The following DNA2 variants were observed in gnomAD, a reference collection of about 807,000 sequenced individuals.
The protein encoded by DNA2 is DNA replication helicase/nuclease 2.
DNA2 carries 101 observed loss-of-function variants against 119.1 expected under a neutral mutation model. The ratio of observed to expected loss-of-function variants is 0.85; its 90% CI spans 0.72 to 1.00. The LOEUF (loss-of-function observed/expected upper bound fraction) is 1.00. DNA2 is among the 50% of genes least tolerant of loss of function. The probability of loss-of-function intolerance (pLI) is 0.00; values close to 1 mark genes in which losing one functional copy is unlikely to be tolerated. For missense variants in DNA2, 1,121 were observed against 1,255.5 expected, an observed-to-expected ratio of 0.89 and a Z score of 1.62; for synonymous variants, 366 against 424.4, an observed-to-expected ratio of 0.86 and a Z score of 1.69.
In DNA2 at chr10:68,444,795, GAAGGAAAATATA is replaced by G. The variant is rs936825987; in HGVS notation, c.1220+114_1220+125del. 10 of 559,024 alleles carry G rather than the reference GAAGGAAAATATA, an allele frequency of 1.8e-5. No homozygotes were observed. The East Asian group carries it at 3.2e-4, about 18-fold the overall frequency. 34.6% of individuals were successfully genotyped at this position (559,024 alleles called of 1,614,324 possible). The stretch of plus-strand genomic sequence containing the variant: ...ATTATCTTAATTTTAGAAATAATAC[GAAGGAAAATATA>G]AAGGAAAAATAACTAAAATGATGTT... On this transcript the variant is annotated intron_variant, in intron 8 of 20. Transcript: ENST00000358410.
At chr10:68,432,540 G>A (rs542371883) in intron 10 of DNA2, 30 bp from the exon 11 acceptor site, 5 of 1,216,900 alleles carry the variant, frequency 4.1e-6, no homozygotes, top group South Asian at 1.4e-5. Context: ...ATACATGAAT[G>A]CTCGCCATTT....
chr10:68,433,240 C>A (rs1446439727), intron 10 of DNA2, among the ~76,000 whole-genome samples: 1 of 152,104 alleles, frequency 6.6e-6, no homozygotes. Context: ...CTTCCCTCTC[C>A]CTCATCCTCT....
Position 68,459,044 on chromosome 10 carries a change from G to A in DNA2, c.719+60C>T, listed in dbSNP as rs1371872883. ...TTTAAAAACTTTGATTCAACACACA[G>A]AATGGCATCCTGGTCTAAAAATATG... On this transcript the variant is annotated intron_variant, in intron 5 of 20. Transcript: ENST00000358410. The A allele has an allele frequency of 2.9e-6, 4 of 1,391,354 alleles. No individual in the cohort carries two copies. The African/African-American group carries it at 4.4e-5, about 15-fold the overall frequency. 86.2% of individuals were successfully genotyped at this position (1,391,354 alleles called of 1,614,324 possible).
intron 10 of DNA2, among the ~76,000 whole-genome samples, chr10:68,435,051 ATT>A (rs766652426): frequency 6.8e-6 from 1 of 147,954 alleles, no homozygotes; most frequent in African/African-American, 2.5e-5. Flanking sequence ...CTCTGCCACA[ATT>A]TTTTTTTTTT....
intron 9 of DNA2, 21 bp downstream of exon 9, chr10:68,442,896 T>C (rs2051988316): frequency 8.3e-6 from 13 of 1,568,162 alleles, no homozygotes; most frequent in East Asian, 2.3e-5. Flanking sequence ...GAAATCTTAC[T>C]GTACTAAATG....
Position 68,432,252 on chromosome 10 carries a change from A to T in DNA2, c.1827T>A (p.Ser609=), listed in dbSNP as rs553392629. Residue 609 remains serine, a synonymous_variant, in exon 12 of 21, where the codon TCT becomes TCA. Coordinates refer to ENST00000358410, the MANE Select transcript of DNA2 (RefSeq NM_001080449.3). ...REPQFISYLS[S]VLPHDAKDTV... is the part of the protein sequence containing the mutation. ...TATCCTTTGCATCATGTGGAAGAACAGAACTAAGGTAGGATATAAACTGAG... is the reference window on the plus strand; with the variant it reads ...TATCCTTTGCATCATGTGGAAGAACTGAACTAAGGTAGGATATAAACTGAG... 1.0e-4 allele frequency: 168 copies of T among 1,608,672 alleles called. No homozygotes were observed. Among genetic ancestry groups the T allele is most frequent in the Non-Finnish European group, 1.4e-4 (160 of 1,178,254 alleles).
chr10:68,471,943 A>G lies in DNA2; in HGVS notation c.-79T>C. The G allele has an allele frequency of 6.2e-7, 1 of 1,613,368 alleles. No individual in the cohort carries two copies. Among genetic ancestry groups the G allele is most frequent in the Non-Finnish European group, 8.5e-7 (1 of 1,179,406 alleles). On this transcript the variant is annotated 5_prime_UTR_variant, in exon 1 of 21. Coordinates refer to ENST00000358410, the MANE Select transcript of DNA2 (RefSeq NM_001080449.3). ...AACACAGAAAGCTTAGAAAAGGGAA[A>G]AAGGCGCGAGCCTGCGCACCTCGCG...
At chr10:68,415,318 C>A (rs996207959) in intron 20 of DNA2, among the ~76,000 whole-genome samples, 2 of 150,636 alleles carry the variant, frequency 1.3e-5, no homozygotes, top group African/African-American at 2.4e-5. Context: ...CTCTTGTTAC[C>A]CAGGCTGGAG....
chr10:68,464,359 A>C (rs2052298912), intron 4 of DNA2, among the ~76,000 whole-genome samples: 1 of 152,008 alleles, frequency 6.6e-6, no homozygotes, highest in Non-Finnish European at 1.5e-5. Context: ...CTAAAAGTAC[A>C]AAAAAATTAG....
chr10:68,414,957 T>G lies in DNA2; in HGVS notation c.*82A>C. ...TAAAACATAAATACTGCATTAAATT[T>G]TGTATGGTGATAGAATTTTCTGTAT... On this transcript the variant is annotated 3_prime_UTR_variant, in exon 21 of 21. Coordinates refer to ENST00000358410, the MANE Select transcript of DNA2 (RefSeq NM_001080449.3). 1 of 871,010 alleles carries G rather than the reference T, an allele frequency of 1.1e-6. No individual in the cohort carries two copies. The highest frequency in any genetic ancestry group is 1.8e-6 in the Non-Finnish European group (1 of 564,664). The allele number at this position is 871,010 out of a possible 1,614,324, so 54.0% of individuals were successfully genotyped here. A position where few individuals can be genotyped will look rare whatever the true frequency, so the allele number is the denominator to read the frequency against.
In DNA2 at chr10:68,424,479, G is replaced by A. The variant is rs1474340706; in HGVS notation, c.2209-1589C>T. 5.1e-6 allele frequency: 3 copies of A among 583,828 alleles called. No homozygotes were observed. In the African/African-American group the frequency reaches 5.7e-5, roughly 11 times the overall value. 36.2% of individuals were successfully genotyped at this position (583,828 alleles called of 1,614,324 possible). The stretch of plus-strand genomic sequence containing the variant: ...TGATCATGCCACTGAACTCCAGCCT[G>A]GGTGACAAAGTGAGTCACTGTCTCA... On this transcript the variant is annotated intron_variant, in intron 14 of 20. Coordinates refer to ENST00000358410, the MANE Select transcript of DNA2 (RefSeq NM_001080449.3).
intron 4 of DNA2, among the ~76,000 whole-genome samples, chr10:68,460,277 T>G (rs1349495753): frequency 6.6e-6 from 1 of 151,900 alleles, no homozygotes; most frequent in Non-Finnish European, 1.5e-5. Context: ...AAGGTAATTT[T>G]TCTGTATTTT....
chr10:68,422,740 C>A lies in DNA2; in HGVS notation c.2359G>T (p.Asp787Tyr). Reference sequence around the variant, plus strand: ...ACCAGGGGAGGAAGCTGCTGATGGTCCCCCACTAACACAAATCTCCGTGAA... The same window carrying A: ...ACCAGGGGAGGAAGCTGCTGATGGTACCCCACTAACACAAATCTCCGTGAA... ...FFSRRFVLVG[D>Y]HQQLPPLVLN... Residue 787 changes from aspartate to tyrosine, a missense_variant, in exon 15 of 21, where the codon GAC (aspartate) becomes TAC (tyrosine). Transcript: ENST00000358410. 1 of 1,611,580 alleles carries A rather than the reference C, an allele frequency of 6.2e-7. No individual in the cohort carries two copies. The highest frequency in any genetic ancestry group is 2.2e-5 in the East Asian group (1 of 44,870).
At chr10:68,447,373 C>T (rs1203040829) in intron 6 of DNA2, among the ~76,000 whole-genome samples, 4 of 151,530 alleles carry the variant, frequency 2.6e-5, no homozygotes, top group Non-Finnish European at 4.4e-5. Context: ...CAAAAATTAG[C>T]CGGGTGTGAT....
At chr10:68,463,734 A>AT (rs1325080800) in intron 4 of DNA2, among the ~76,000 whole-genome samples, 1 of 152,062 alleles carries the variant, frequency 6.6e-6, no homozygotes, top group Non-Finnish European at 1.5e-5. Context: ...CCATAATAAC[A>AT]CATTCATCAG....
intron 6 of DNA2, among the ~76,000 whole-genome samples, chr10:68,448,235 A>G (rs1227160206): frequency 6.6e-6 from 1 of 152,018 alleles, no homozygotes; most frequent in Non-Finnish European, 1.5e-5. Flanking sequence ...TACTGTGACA[A>G]ATAATACTAA....
In DNA2 at chr10:68,461,844, A is replaced by T. The variant is rs553832245; in HGVS notation, c.588-2609T>A. Among the ~76,000 whole-genome samples the T allele has an allele frequency of 2.7e-4, 41 of 149,204 alleles. No homozygotes were observed. In the South Asian group the frequency reaches 8.6e-3, roughly 31 times the overall value. On this transcript the variant is annotated intron_variant, in intron 4 of 20. Transcript: ENST00000358410. ...ACTCCGTCTCAAAAAAAAAAAAAAAAAAAAAAAATAGAGGCTGGAGGATTG... is the reference window on the plus strand; with the variant it reads ...ACTCCGTCTCAAAAAAAAAAAAAAATAAAAAAAATAGAGGCTGGAGGATTG...
chr10:68,462,096 TG>T (rs1221958368), intron 4 of DNA2, among the ~76,000 whole-genome samples: 38 of 152,294 alleles, frequency 2.5e-4, no homozygotes, highest in African/African-American at 8.9e-4. Context: ...TTAGGCTAGG[TG>T]CAGTGGCTCA....
intron 6 of DNA2, 65 bp downstream of exon 6, chr10:68,449,961 AAG>A: frequency 8.6e-7 from 1 of 1,161,668 alleles, no homozygotes; most frequent in Non-Finnish European, 1.2e-6. Flanking sequence ...GAGACAGAAC[AAG>A]ACTCTGTCTC....
Sources: gnomAD v4.1 joint callset for allele counts (sites outside exome capture counted in the v4.1 genomes callset) on GRCh38, gnomAD v4.1.1 for gene constraint, MANE v1.5 for transcripts, NCBI Gene and HGNC (gene_info 2026-07-23, HGNC 2026-07-21) for gene names.